Variants in CDH13 observed in about 807,000 individuals in gnomAD.
The protein encoded by CDH13 is cadherin-13.
In CDH13, 24 loss-of-function variants were observed where a neutral mutation model predicts 63.8. That is an observed-to-expected ratio of 0.38 (90% CI 0.27 to 0.53). The LOEUF (loss-of-function observed/expected upper bound fraction) is 0.53. Among genes scored for constraint, CDH13 ranks in the 20% least tolerant of loss-of-function variants. The pLI, the probability that CDH13 is intolerant of heterozygous loss-of-function variation, is 0.85. For synonymous variants in CDH13, 503 were observed against 355.3 expected (o/e 1.42, Z -4.67); for missense variants, 1,049 against 903.1 (o/e 1.16, Z -2.07).
chr16:83,114,263 G>A (rs12598624), intron 3 of CDH13, among the ~76,000 whole-genome samples: 76,620 of 151,998 alleles, frequency 0.5, 19,869 homozygotes, highest in Non-Finnish European at 0.58. Flanking sequence ...CCTCTGATGT[G>A]TGACTTTCAT....
chr16:83,560,895 G>T (rs2075691457), intron 7 of CDH13, among the ~76,000 whole-genome samples: 2 of 109,578 alleles, frequency 1.8e-5, no homozygotes, highest in Non-Finnish European at 4.2e-5. Flanking sequence ...GTACCATAAG[G>T]TTGGCCCCCC....
intron 13 of CDH13, among the ~76,000 whole-genome samples, chr16:83,788,328 C>G (rs1374322359): frequency 3.3e-5 from 5 of 152,200 alleles, no homozygotes; most frequent in Non-Finnish European, 5.9e-5. Flanking sequence ...GCCCATCCAA[C>G]CTATGGCATC....
chr16:83,656,829 G>T (rs1443919513), intron 8 of CDH13, among the ~76,000 whole-genome samples: 1 of 152,166 alleles, frequency 6.6e-6, no homozygotes, highest in East Asian at 1.9e-4. Context: ...AGACAGCATG[G>T]TGTAAGGAAT....
At chr16:82,874,631 A>T (rs2040446016) in intron 2 of CDH13, among the ~76,000 whole-genome samples, 1 of 152,210 alleles carries the variant, frequency 6.6e-6, no homozygotes, top group African/African-American at 2.4e-5. Flanking sequence ...AATTCCATAG[A>T]GGAAGGGGGG....
At chr16:82,864,758 G>C (rs1000796818) in intron 2 of CDH13, among the ~76,000 whole-genome samples, 20 of 152,226 alleles carry the variant, frequency 1.3e-4, no homozygotes, top group Non-Finnish European at 2.6e-4. Context: ...TTTCACATTT[G>C]AAAACTAATC....
chr16:83,045,771 A>G (rs542351468), intron 3 of CDH13, among the ~76,000 whole-genome samples: 6 of 152,310 alleles, frequency 3.9e-5, no homozygotes, highest in Middle Eastern at 3.4e-3. Context: ...AACACCCAAA[A>G]CTTAGGCAGT....
rs1430932012 is a variant in CDH13 at position 82,710,627 on chromosome 16, T to C, written c.45+83490T>C. Reference sequence around the variant, plus strand: ...ATATAAAGTATATATGATATACAAATATATTTACATATAATATAATCATTT... The same window carrying C: ...ATATAAAGTATATATGATATACAAACATATTTACATATAATATAATCATTT... On this transcript the variant is annotated intron_variant, in intron 1 of 13. Coordinates refer to ENST00000567109, the MANE Select transcript of CDH13 (RefSeq NM_001257.5). Among the ~76,000 whole-genome samples, 3 of 141,614 alleles carry C rather than the reference T, an allele frequency of 2.1e-5. No homozygotes were observed. In the South Asian group the frequency reaches 6.4e-4, roughly 30 times the overall value. 92.9% of individuals were successfully genotyped at this position (141,614 alleles called of 152,430 possible).
chr16:83,501,938 G>A (rs12919255), intron 7 of CDH13, among the ~76,000 whole-genome samples: 35,627 of 152,134 alleles, frequency 0.23, 4,230 homozygotes, highest in Middle Eastern at 0.32. Context: ...TGGTACAGTG[G>A]CTCAGAGCTT....
chr16:83,626,468 T>G (rs1910316180), intron 8 of CDH13, among the ~76,000 whole-genome samples: 3 of 152,184 alleles, frequency 2.0e-5, no homozygotes, highest in Non-Finnish European at 4.4e-5. Flanking sequence ...AGCCAGGGTC[T>G]TTGCTGGGGA....
At chr16:82,661,695 T>C (rs1450422341) in intron 1 of CDH13, among the ~76,000 whole-genome samples, 1 of 152,246 alleles carries the variant, frequency 6.6e-6, no homozygotes, top group East Asian at 1.9e-4. Context: ...GTCTGTCTTT[T>C]ATTCCATCAG....
chr16:82,664,884 G>A (rs1034725210), intron 1 of CDH13, among the ~76,000 whole-genome samples: 4 of 151,954 alleles, frequency 2.6e-5, no homozygotes, highest in African/African-American at 9.7e-5. Flanking sequence ...CATATTTGTG[G>A]GTATGTATGA....
intron 6 of CDH13, among the ~76,000 whole-genome samples, chr16:83,419,929 A>T (rs368520841): frequency 0.03 from 1,102 of 36,588 alleles, 5 homozygotes; most frequent in Admixed American, 0.043. Flanking sequence ...TTTTTTTTTA[A>T]AAAAAAGTTT....
At chr16:83,681,586 A>C (rs1225211654) in intron 10 of CDH13, among the ~76,000 whole-genome samples, 2 of 148,604 alleles carry the variant, frequency 1.3e-5, no homozygotes, top group African/African-American at 2.5e-5. Flanking sequence ...CCTCCTACCC[A>C]CCTTTCCCTC....
rs182932431 is a variant in CDH13 at position 82,920,433 on chromosome 16, A to T, written c.157+61960A>T. ...ATGAATATGGGTCCTGTGCTCGTCC[A>T]TGAATCAGTGATGTGGCCAACAAAG... On this transcript the variant is annotated intron_variant, in intron 2 of 13. Transcript: ENST00000567109. Among the ~76,000 whole-genome samples the T allele has an allele frequency of 5.4e-4, 82 of 152,340 alleles. 1 individual carries two copies. Among genetic ancestry groups the T allele is most frequent in the African/African-American group, 1.8e-3 (75 of 41,582 alleles).
intron 2 of CDH13, among the ~76,000 whole-genome samples, chr16:82,860,944 A>G (rs576349946): frequency 1.3e-5 from 2 of 152,234 alleles, no homozygotes; most frequent in African/African-American, 4.8e-5. Flanking sequence ...TTCTCAGTTT[A>G]TTTTGCGTAT....
rs1476555954 is a variant in CDH13, at chr16:82,644,508, A to T, written c.45+17371A>T. 6.6e-6 allele frequency among the ~76,000 whole-genome samples: 1 copy of T among 152,208 alleles called. No individual in the cohort carries two copies. Among genetic ancestry groups the T allele is most frequent in the Non-Finnish European group, 1.5e-5 (1 of 68,042 alleles). On this transcript the variant is annotated intron_variant, in intron 1 of 13. Transcript: ENST00000567109. This position sits in a 1 kb window ranked among gnomAD's most constrained non-coding sequence, Gnocchi z 5.7. ...AAAGCCATTAGCCATGCACAGTGAA[A>T]CAAGGAAAGCAGCCTAGAGCTGGTC... is the stretch of plus-strand genomic sequence containing the variant.
chr16:83,669,336 C>T (rs1474782380), intron 8 of CDH13, among the ~76,000 whole-genome samples: 1 of 152,166 alleles, frequency 6.6e-6, no homozygotes, highest in Non-Finnish European at 1.5e-5. Context: ...TTTTCAAAGC[C>T]TCTGGGAGAT....
At chr16:83,202,131 T>C (rs1448483857) in intron 4 of CDH13, among the ~76,000 whole-genome samples, 2 of 152,130 alleles carry the variant, frequency 1.3e-5, no homozygotes, top group African/African-American at 4.8e-5. Flanking sequence ...CTGGTAAGAC[T>C]TCAAAGGTCC....
intron 2 of CDH13, among the ~76,000 whole-genome samples, chr16:83,026,818 C>G (rs1435484084): frequency 3.3e-5 from 5 of 152,108 alleles, no homozygotes; most frequent in Non-Finnish European, 5.9e-5. Context: ...CACACTGATT[C>G]CAACCATTCT....
Sources: gnomAD v4.1 joint callset for allele counts (sites outside exome capture counted in the v4.1 genomes callset) on GRCh38, gnomAD v4.1.1 for gene constraint, Gnocchi (gnomAD v3.1) non-coding constraint, MANE v1.5 for transcripts, NCBI Gene and HGNC (gene_info 2026-07-23, HGNC 2026-07-21) for gene names.